AGMO: variants seen among roughly 807,000 people sequenced by gnomAD.
AGMO encodes alkylglycerol monooxygenase.
In AGMO, 75 loss-of-function variants were observed where a neutral mutation model predicts 60.2. The ratio of observed to expected loss-of-function variants is 1.25; its 90% CI spans 1.03 to 1.51. AGMO has a LOEUF of 1.51. AGMO is among the 40% of genes most tolerant of loss of function. The pLI is 0.00. For missense variants in AGMO, 763 were observed against 525.5 expected, an observed-to-expected ratio of 1.45 and a Z score of -4.42; for synonymous variants, 261 against 177.1, an observed-to-expected ratio of 1.47 and a Z score of -3.76.
intron 12 of AGMO, among the ~76,000 whole-genome samples, chr7:15,217,237 A>C (rs1781767332): frequency 6.6e-6 from 1 of 152,098 alleles, no homozygotes; most frequent in Non-Finnish European, 1.5e-5. Flanking sequence ...GAAATGTTAA[A>C]TACTGTAAAG....
At chr7:15,269,579 G>A (rs1319021835) in intron 12 of AGMO, among the ~76,000 whole-genome samples, 1 of 151,938 alleles carries the variant, frequency 6.6e-6, no homozygotes, top group Non-Finnish European at 1.5e-5. Flanking sequence ...TAGGATAGGT[G>A]GTGGAAATGG....
At chr7:15,387,902 C>CT (rs1212964530) in intron 8 of AGMO, among the ~76,000 whole-genome samples, 11 of 109,472 alleles carry the variant, frequency 1.0e-4, no homozygotes, top group Non-Finnish European at 1.7e-4. Context: ...ATGACACATT[C>CT]TCTTTTTTTT....
At chr7:15,218,563 A>G (rs58578091) in intron 12 of AGMO, among the ~76,000 whole-genome samples, 4,985 of 151,754 alleles carry the variant, frequency 0.033, 292 homozygotes, top group African/African-American at 0.11. Context: ...AAAATCTTAA[A>G]ATATATTAAC....
chr7:15,332,481 A>C (rs1382423865), intron 12 of AGMO, among the ~76,000 whole-genome samples: 1 of 152,092 alleles, frequency 6.6e-6, no homozygotes, highest in East Asian at 1.9e-4. Context: ...CTCTGTTCTA[A>C]TGTACTCATT....
intron 12 of AGMO, among the ~76,000 whole-genome samples, chr7:15,349,239 G>C (rs756246504): frequency 9.2e-5 from 14 of 152,206 alleles, no homozygotes; most frequent in Middle Eastern, 3.4e-3. Context: ...AACTGGCTTT[G>C]GTATTTCAAT....
chr7:15,259,919 A>AAAAAAAAAAAAAAAAAAAC (rs1783217614), intron 12 of AGMO, among the ~76,000 whole-genome samples: 1 of 148,790 alleles, frequency 6.7e-6, no homozygotes, highest in African/African-American at 2.5e-5. Context: ...AAAAAAAAAA[A>AAAAAAAAAAAAAAAAAAAC]AAAAAAAGCT....
At chr7:15,422,560 TA>T (rs959570467) in intron 4 of AGMO, among the ~76,000 whole-genome samples, 1 of 151,758 alleles carries the variant, frequency 6.6e-6, no homozygotes, top group Non-Finnish European at 1.5e-5. Context: ...CTGAAAAAAA[TA>T]AAAAAACCCT....
intron 3 of AGMO, among the ~76,000 whole-genome samples, chr7:15,530,860 T>C (rs1187291157): frequency 7.1e-6 from 1 of 140,206 alleles, no homozygotes; most frequent in Non-Finnish European, 1.5e-5. Flanking sequence ...TATATATAGA[T>C]GACTGTATAT....
chr7:15,560,471 CA>C (rs1785275297), intron 1 of AGMO, among the ~76,000 whole-genome samples, 200 bp from the exon 2 acceptor site: 2 of 152,060 alleles, frequency 1.3e-5, no homozygotes, highest in Non-Finnish European at 1.5e-5. Context: ...AACATGTGCT[CA>C]AATTCTATCA....
At chr7:15,128,289 GAAGA>G in the AGMO span, among the ~76,000 whole-genome samples, 2 of 152,098 alleles carry the variant, frequency 1.3e-5, no homozygotes, top group East Asian at 1.9e-4. Context: ...CAGCTGGAGA[GAAGA>G]AAGAAAGAAA....
chr7:15,274,597 G>C (rs554191023), intron 12 of AGMO, among the ~76,000 whole-genome samples: 2 of 151,808 alleles, frequency 1.3e-5, no homozygotes, highest in African/African-American at 2.4e-5. Flanking sequence ...TATAAAATCA[G>C]TCAAGAAAGA....
intron 12 of AGMO, among the ~76,000 whole-genome samples, chr7:15,345,504 G>A (rs936699469): frequency 6.6e-6 from 1 of 152,284 alleles, no homozygotes; most frequent in East Asian, 1.9e-4. Context: ...CTTTTGGAGT[G>A]TGCTGTGCAT....
intron 3 of AGMO, among the ~76,000 whole-genome samples, chr7:15,522,119 A>G (rs1458019979): frequency 6.6e-6 from 1 of 152,222 alleles, no homozygotes; most frequent in Non-Finnish European, 1.5e-5. Context: ...AGAGAATAAA[A>G]TACATAGGAA....
At chr7:15,387,957 G>T (rs1041898093) in intron 8 of AGMO, among the ~76,000 whole-genome samples, 1 of 130,732 alleles carries the variant, frequency 7.6e-6, no homozygotes, top group Non-Finnish European at 1.5e-5. Context: ...GCCCAGGCTG[G>T]AGTGCAGTGG....
intron 12 of AGMO, among the ~76,000 whole-genome samples, chr7:15,279,828 C>T (rs1044196004): frequency 2.0e-5 from 3 of 152,170 alleles, no homozygotes; most frequent in Admixed American, 6.5e-5. Context: ...TTTCACCATA[C>T]CCAGTGCTGG....
intron 12 of AGMO, among the ~76,000 whole-genome samples, chr7:15,319,222 T>C (rs1421141239): frequency 6.6e-6 from 1 of 152,148 alleles, no homozygotes; most frequent in Admixed American, 6.6e-5. Context: ...ATAAAATAAT[T>C]TTAAAATATG....
At chr7:15,430,595 G>GT (rs35756210) in intron 4 of AGMO, among the ~76,000 whole-genome samples, 89,221 of 133,906 alleles carry the variant, frequency 0.67, 29,196 homozygotes, top group Middle Eastern at 0.76. Flanking sequence ...AGAATTAGTT[G>GT]TTTTTTTTAA....
chr7:15,303,178 G>T (rs1022933534), intron 12 of AGMO, among the ~76,000 whole-genome samples: 26 of 152,106 alleles, frequency 1.7e-4, no homozygotes, highest in Non-Finnish European at 2.4e-4. Context: ...CACAGATGCA[G>T]AGAGAAATGT....
the AGMO span, among the ~76,000 whole-genome samples, chr7:15,134,201 C>G: frequency 6.6e-6 from 1 of 152,184 alleles, no homozygotes; most frequent in Admixed American, 6.5e-5. Flanking sequence ...CTGGCTCTCT[C>G]ACCCAGGCTG....
Sources: gnomAD v4.1 joint callset for allele counts (sites outside exome capture counted in the v4.1 genomes callset) on GRCh38, gnomAD v4.1.1 for gene constraint, MANE v1.5 for transcripts, NCBI Gene and HGNC (gene_info 2026-07-23, HGNC 2026-07-21) for gene names.